Variants in MRPS28 observed in about 807,000 individuals in gnomAD.
The protein encoded by MRPS28 is small ribosomal subunit protein bS1m.
In MRPS28, 7 loss-of-function variants were observed where a neutral mutation model predicts 10.8. That is an observed-to-expected ratio of 0.65 (90% CI 0.37 to 1.22). MRPS28 has a LOEUF of 1.22. MRPS28 is among the 50% of genes most tolerant of loss of function. The pLI, the probability that MRPS28 is intolerant of heterozygous loss-of-function variation, is 0.02. For synonymous variants in MRPS28, 121 were observed against 93.3 expected (o/e 1.30, Z -1.71); for missense variants, 265 against 232.9 (o/e 1.14, Z -0.90).
chr8:79,986,353 G>A (rs1050489141), intron 2 of MRPS28, among the ~76,000 whole-genome samples: 2 of 152,176 alleles, frequency 1.3e-5, no homozygotes, highest in African/African-American at 4.8e-5. Flanking sequence ...CATTCCCTTT[G>A]AAAACTGGCA....
At chr8:79,997,841 C>T (rs554213776) in intron 2 of MRPS28, among the ~76,000 whole-genome samples, 23 of 151,968 alleles carry the variant, frequency 1.5e-4, no homozygotes, top group African/African-American at 2.9e-4. Context: ...GATCACTTGA[C>T]GCCAGGAGTT....
chr8:79,955,719 T>G (rs1264402897), intron 2 of MRPS28, among the ~76,000 whole-genome samples: 1 of 152,100 alleles, frequency 6.6e-6, no homozygotes, highest in African/African-American at 2.4e-5. Flanking sequence ...TACTCCAAAT[T>G]TAGTTGCTTA....
At chr8:79,939,400 C>G (rs1266990336) in intron 2 of MRPS28, among the ~76,000 whole-genome samples, 1 of 152,078 alleles carries the variant, frequency 6.6e-6, no homozygotes, top group Non-Finnish European at 1.5e-5. Flanking sequence ...CTATAATATA[C>G]ATACTTCCTT....
At chr8:80,013,287 C>G (rs1809102300) in intron 1 of MRPS28, among the ~76,000 whole-genome samples, 1 of 151,976 alleles carries the variant, frequency 6.6e-6, no homozygotes, top group African/African-American at 2.4e-5. Context: ...TTTTATAAAA[C>G]AATACAAATT....
intron 2 of MRPS28, among the ~76,000 whole-genome samples, chr8:79,946,330 T>C (rs1484783681): frequency 6.6e-6 from 1 of 152,134 alleles, no homozygotes; most frequent in East Asian, 1.9e-4. Context: ...AATGTGTATA[T>C]ACTTGAAGTA....
chr8:79,976,023 G>T (rs2130058637), intron 2 of MRPS28, among the ~76,000 whole-genome samples: 1 of 152,210 alleles, frequency 6.6e-6, no homozygotes, highest in East Asian at 1.9e-4. Flanking sequence ...GGAAGGCGGG[G>T]GAAGACCTAC....
intron 2 of MRPS28, among the ~76,000 whole-genome samples, chr8:79,941,906 T>C (rs1011840097): frequency 2.6e-5 from 4 of 152,242 alleles, no homozygotes; most frequent in African/African-American, 7.2e-5. Context: ...TGGTTTTTTA[T>C]GTTCATGCTC....
At chr8:80,014,681 C>G (rs1809149489) in intron 1 of MRPS28, among the ~76,000 whole-genome samples, 2 of 152,134 alleles carry the variant, frequency 1.3e-5, no homozygotes, top group Non-Finnish European at 1.5e-5. Context: ...GTAAAGCACT[C>G]AAATAGTGTC....
intron 2 of MRPS28, among the ~76,000 whole-genome samples, chr8:79,922,743 A>C (rs1810128753): frequency 6.6e-6 from 1 of 152,142 alleles, no homozygotes; most frequent in South Asian, 2.1e-4. Context: ...CAATTATTTT[A>C]AAAGTTAAAC....
intron 2 of MRPS28, among the ~76,000 whole-genome samples, chr8:79,935,349 T>C (rs1290904769): frequency 1.3e-5 from 2 of 152,190 alleles, no homozygotes; most frequent in African/African-American, 2.4e-5. Flanking sequence ...TTTCTTTTCC[T>C]TTCTTTCTTC....
chr8:79,931,321 A>G (rs1037331811), intron 2 of MRPS28, among the ~76,000 whole-genome samples: 7 of 152,226 alleles, frequency 4.6e-5, no homozygotes, highest in Non-Finnish European at 1.0e-4. Flanking sequence ...TATGACATAG[A>G]AAAAGATCTC....
chr8:79,958,436 C>A (rs1292657291), intron 2 of MRPS28: 2 of 670,576 alleles, frequency 3.0e-6, no homozygotes, highest in Non-Finnish European at 5.4e-6. Context: ...AATGGGACTC[C>A]TGAGTGAAGG....
intron 2 of MRPS28, among the ~76,000 whole-genome samples, chr8:79,953,296 A>C (rs1563524819): frequency 1.3e-5 from 2 of 152,194 alleles, no homozygotes; most frequent in African/African-American, 4.8e-5. Context: ...TCATTAGTAC[A>C]TGGCTGTCAA....
intron 1 of MRPS28, among the ~76,000 whole-genome samples, chr8:80,022,163 A>T (rs1388522284): frequency 3.3e-5 from 5 of 151,950 alleles, no homozygotes; most frequent in Non-Finnish European, 4.4e-5. Flanking sequence ...GCCATTTCAA[A>T]AATGTTGTAT....
At chr8:79,977,500 C>A (rs939977320) in intron 2 of MRPS28, among the ~76,000 whole-genome samples, 1 of 152,090 alleles carries the variant, frequency 6.6e-6, no homozygotes. Flanking sequence ...TTCCTTTGAT[C>A]AATAAATTAT....
At chr8:79,987,418 T>G (rs1339430113) in intron 2 of MRPS28, among the ~76,000 whole-genome samples, 3 of 151,996 alleles carry the variant, frequency 2.0e-5, no homozygotes, top group Non-Finnish European at 4.4e-5. Flanking sequence ...AAGCCAAAAT[T>G]GACAAATGGG....
chr8:80,023,171 T>C (rs1446804605), intron 1 of MRPS28, among the ~76,000 whole-genome samples: 1 of 152,216 alleles, frequency 6.6e-6, no homozygotes, highest in African/African-American at 2.4e-5. Context: ...GTAATTCTCC[T>C]AGAATTCTAT....
Position 79,947,923 on chromosome 8 carries a change from C to A in MRPS28, c.396-28775G>T, listed in dbSNP as rs147526137. On this transcript the variant is annotated intron_variant, in intron 2 of 2. Coordinates refer to ENST00000276585, the MANE Select transcript of MRPS28 (RefSeq NM_014018.3). ...AAGTGCTGGGATTACAGGTATGAGC[C>A]ACCGCGCCTGGCCTATATTAAGTAT... Among the ~76,000 whole-genome samples the A allele has an allele frequency of 7.3e-4, 110 of 151,320 alleles. 1 individual carries two copies. Among genetic ancestry groups the A allele is most frequent in the African/African-American group, 2.5e-3 (104 of 41,386 alleles).
intron 2 of MRPS28, among the ~76,000 whole-genome samples, chr8:79,971,663 A>G (rs1253257529): frequency 1.3e-5 from 2 of 152,184 alleles, no homozygotes; most frequent in Non-Finnish European, 2.9e-5. Context: ...TGTTTTCAAG[A>G]TTCAGACATG....
Sources: allele counts gnomAD v4.1 joint callset (sites outside exome capture counted in the v4.1 genomes callset), GRCh38; gene constraint gnomAD v4.1.1; transcripts MANE v1.5; gene names NCBI Gene and HGNC (gene_info 2026-07-23, HGNC 2026-07-21).